GABRB3: variants seen among roughly 807,000 people sequenced by gnomAD.
GABRB3 encodes gamma-aminobutyric acid receptor subunit beta-3.
GABRB3 carries 14 observed loss-of-function variants against 52.1 expected under a neutral mutation model. The ratio of observed to expected loss-of-function variants is 0.27; its 90% confidence interval spans 0.18 to 0.42. The LOEUF (loss-of-function observed/expected upper bound fraction) is 0.42. GABRB3 is among the 10% of genes least tolerant of loss of function. The probability of loss-of-function intolerance (pLI) is 1.00; values close to 1 mark genes in which losing one functional copy is unlikely to be tolerated. For synonymous variants in GABRB3, 260 were observed against 232.3 expected (o/e 1.12, Z -1.08); for missense variants, 307 against 609.1 (o/e 0.50, Z 5.22).
chr15:26,629,065 CG>C, intron 3 of GABRB3: 1 of 1,536,102 alleles, frequency 6.5e-7, no homozygotes, highest in African/African-American at 1.4e-5. Flanking sequence ...CGAGAGCCTC[CG>C]CCACGCTAAC....
chr15:26,765,313 G>A (rs1890967429), intron 3 of GABRB3, among the ~76,000 whole-genome samples: 1 of 151,950 alleles, frequency 6.6e-6, no homozygotes, highest in African/African-American at 2.4e-5. Flanking sequence ...TCTTCTTTCT[G>A]CTTTGAAATT....
intron 8 of GABRB3, among the ~76,000 whole-genome samples, chr15:26,559,169 C>G (rs892811825): frequency 2.6e-5 from 4 of 152,216 alleles, no homozygotes; most frequent in Non-Finnish European, 5.9e-5. Flanking sequence ...ACACAGATTC[C>G]TCATGAATTG....
intron 4 of GABRB3, among the ~76,000 whole-genome samples, chr15:26,596,489 T>C (rs936909724): frequency 6.6e-6 from 1 of 152,054 alleles, no homozygotes; most frequent in Non-Finnish European, 1.5e-5. Context: ...GGGTGGAAAA[T>C]GTTATTCAAG....
At chr15:26,773,074 A>G, upstream of GABRB3, 2 of 1,030,668 alleles carry the variant, frequency 1.9e-6, no homozygotes, top group Non-Finnish European at 2.3e-6. Context: ...GCTGGCCCGG[A>G]GCGGAGGAGG....
intron 3 of GABRB3, among the ~76,000 whole-genome samples, chr15:26,753,365 G>T (rs945862478): frequency 2.0e-5 from 3 of 152,190 alleles, no homozygotes; most frequent in Non-Finnish European, 4.4e-5. Flanking sequence ...ACAGATCAGA[G>T]ACCACTGCAG....
intron 4 of GABRB3, chr15:26,612,249 A>C (rs2140519793): frequency 6.6e-6 from 1 of 152,360 alleles, no homozygotes; most frequent in East Asian, 1.9e-4. Flanking sequence ...AGGTGGAAAT[A>C]CAATAAAACA....
intron 3 of GABRB3, among the ~76,000 whole-genome samples, chr15:26,631,947 G>T (rs912912414): frequency 6.6e-6 from 1 of 152,318 alleles, no homozygotes; most frequent in East Asian, 1.9e-4. Flanking sequence ...AAGGAAGACA[G>T]AATTGGTACC....
At chr15:26,764,899 G>A (rs1890954003) in intron 3 of GABRB3, among the ~76,000 whole-genome samples, 1 of 152,100 alleles carries the variant, frequency 6.6e-6, no homozygotes, top group South Asian at 2.1e-4. Flanking sequence ...GGGAGGCCGA[G>A]GCAGGTGGAT....
In GABRB3 at chr15:26,772,390, G is replaced by A. The variant is rs25408; in HGVS notation, c.240+12C>T. The A allele has an allele frequency of 4.4e-5, 71 of 1,605,290 alleles. No homozygotes were observed. Among genetic ancestry groups the A allele is most frequent in the Admixed American group, 6.7e-5 (4 of 59,392 alleles). On this transcript the variant is annotated intron_variant, in intron 3 of 8. Transcript: ENST00000311550. The stretch of plus-strand genomic sequence containing the variant: ...GGGGCTCAGGGACCGCCCTGGGAGG[G>A]CGGGCACTCACCATGTTGACTTCGG...
intron 4 of GABRB3, among the ~76,000 whole-genome samples, chr15:26,592,841 C>T (rs1463840696): frequency 1.3e-5 from 2 of 152,044 alleles, no homozygotes; most frequent in African/African-American, 4.8e-5. Flanking sequence ...GGTGAAACCC[C>T]ATCTCTACTA....
At chr15:26,566,181 C>T (rs913881693) in intron 7 of GABRB3, among the ~76,000 whole-genome samples, 4 of 151,968 alleles carry the variant, frequency 2.6e-5, no homozygotes, top group Non-Finnish European at 5.9e-5. Flanking sequence ...AAATACATAA[C>T]AATTAAAACA....
chr15:26,708,458 C>T (rs1454690475), intron 3 of GABRB3, among the ~76,000 whole-genome samples: 3 of 152,120 alleles, frequency 2.0e-5, no homozygotes, highest in Non-Finnish European at 4.4e-5. Context: ...CAGGGACAGG[C>T]AGTCAATGAG....
chr15:26,747,392 T>A (rs1022673365), intron 3 of GABRB3, among the ~76,000 whole-genome samples: 2 of 152,240 alleles, frequency 1.3e-5, no homozygotes, highest in African/African-American at 4.8e-5. Context: ...TAGGTCTTCT[T>A]TCATTTCTTT....
At chr15:26,744,278 A>T (rs891145192) in intron 3 of GABRB3, among the ~76,000 whole-genome samples, 2 of 152,230 alleles carry the variant, frequency 1.3e-5, no homozygotes, top group African/African-American at 4.8e-5. Flanking sequence ...AAAAAATTAG[A>T]TAGGCTGTAT....
chr15:26,733,491 A>G (rs1282930801), intron 3 of GABRB3, among the ~76,000 whole-genome samples: 4 of 152,242 alleles, frequency 2.6e-5, no homozygotes, highest in East Asian at 1.9e-4. Flanking sequence ...AAATACTGCT[A>G]AAAGACTATA....
intron 3 of GABRB3, among the ~76,000 whole-genome samples, chr15:26,748,272 G>T (rs971850869): frequency 6.6e-6 from 1 of 152,020 alleles, no homozygotes; most frequent in African/African-American, 2.4e-5. Context: ...ATTTTCTAGA[G>T]GAGACTGCAT....
At chr15:26,615,125 A>G in intron 4 of GABRB3, 1 of 225,862 alleles carries the variant, frequency 4.4e-6, no homozygotes, top group Non-Finnish European at 7.4e-6. Flanking sequence ...AGACTGAAAA[A>G]GAAAGTTAGG....
At chr15:26,615,552 G>C in intron 4 of GABRB3, 1 of 666,526 alleles carries the variant, frequency 1.5e-6, no homozygotes, top group Non-Finnish European at 1.9e-6. Context: ...TCAAGCATCT[G>C]CGTGAGTGGT....
chr15:26,616,386 T>A (rs1297643671), intron 4 of GABRB3, among the ~76,000 whole-genome samples: 1 of 152,208 alleles, frequency 6.6e-6, no homozygotes, highest in Non-Finnish European at 1.5e-5. Flanking sequence ...GAGCTACATG[T>A]TTTTTAAATA....
Sources: allele counts gnomAD v4.1 joint callset (sites outside exome capture counted in the v4.1 genomes callset), GRCh38; gene constraint gnomAD v4.1.1; transcripts MANE v1.5; gene names NCBI Gene and HGNC (gene_info 2026-07-23, HGNC 2026-07-21).